STAT5B: variants seen among roughly 807,000 people sequenced by gnomAD.
STAT5B encodes signal transducer and activator of transcription 5B.
A neutral mutation model predicts 107.8 loss-of-function variants in STAT5B; 21 were observed. That is an observed-to-expected ratio of 0.19 (90% confidence interval 0.14 to 0.28). STAT5B has a LOEUF of 0.28. Among genes scored for constraint, STAT5B ranks in the 10% least tolerant of loss-of-function variants. STAT5B has a pLI of 1.00. For synonymous variants in STAT5B, 325 were observed against 401.7 expected, an observed-to-expected ratio of 0.81 and a Z score of 2.28; for missense variants, 565 against 1,008.2, an observed-to-expected ratio of 0.56 and a Z score of 5.95.
Position 42,202,320 on chromosome 17 carries a change from CCCA to C in STAT5B, c.2237+17_2237+19del. The C allele has an allele frequency of 6.2e-7, 1 of 1,613,912 alleles. No homozygotes were observed. ...GCCCCCAGTTCCTCCCCTGTGGACC[CCCA>C]CAAGAATGCCACCTACTTCTGTGGG... On this transcript the variant is annotated intron_variant, in intron 18 of 18. Transcript: ENST00000293328.
intron 6 of STAT5B, 116 bp downstream of exon 6, chr17:42,219,596 A>G (rs1351658011): frequency 3.8e-6 from 5 of 1,306,210 alleles, no homozygotes; most frequent in Admixed American, 2.3e-5. Flanking sequence ...CCCCCAGGAA[A>G]AAAGGCCTCC....
Position 42,232,190 on chromosome 17 carries a change from C to T in STAT5B, c.-10-53G>A, listed in dbSNP as rs80041287. The T allele has an allele frequency of 6.6e-3, 10,486 of 1,592,906 alleles. 486 individuals carry two copies. In the African/African-American group the frequency reaches 0.11, roughly 17 times the overall value. Reference sequence around the variant, plus strand: ...GCGTTTTTTCTTTATTTTCCCCTTACATCCACCAGAGTAAATATTCACTTA... The same window carrying T: ...GCGTTTTTTCTTTATTTTCCCCTTATATCCACCAGAGTAAATATTCACTTA... On this transcript the variant is annotated intron_variant, in intron 1 of 18. Transcript: ENST00000293328.
the STAT5B span, among the ~76,000 whole-genome samples, chr17:42,284,742 G>A: frequency 3.8e-3 from 573 of 152,316 alleles, 4 homozygotes; most frequent in African/African-American, 0.013. Context: ...TCTTCACTCC[G>A]CCGGTGTGTG....
At chr17:42,262,970 G>T (rs867949427) in intron 1 of STAT5B, among the ~76,000 whole-genome samples, 1 of 20,946 alleles carries the variant, frequency 4.8e-5, no homozygotes, top group Non-Finnish European at 8.3e-5. Flanking sequence ...GTGTGTGTGT[G>T]TATATATATA....
At chr17:42,286,450 C>T in the STAT5B span, among the ~76,000 whole-genome samples, 1 of 152,096 alleles carries the variant, frequency 6.6e-6, no homozygotes, top group African/African-American at 2.4e-5. Flanking sequence ...CACCTCAATG[C>T]TAGCTTTTTA....
the STAT5B span, chr17:42,288,148 C>T: frequency 6.6e-6 from 1 of 152,240 alleles, no homozygotes; most frequent in African/African-American, 2.4e-5. The surrounding 1 kb of genome is among the most constrained non-coding windows in gnomAD (Gnocchi z 4.8). Flanking sequence ...AAACTGAGGC[C>T]CAGGTTTGGG....
intron 1 of STAT5B, among the ~76,000 whole-genome samples, chr17:42,250,736 A>G (rs1457386177): frequency 6.6e-6 from 1 of 152,058 alleles, no homozygotes. Flanking sequence ...CATCCTGGCT[A>G]GCATGGTGAA....
chr17:42,287,881 AAAG>A, the STAT5B span: 1 of 152,240 alleles, frequency 6.6e-6, no homozygotes, highest in Non-Finnish European at 1.5e-5. Flanking sequence ...GGCCGGAGTA[AAAG>A]AAGGAGGGAG....
intron 9 of STAT5B, chr17:42,217,848 G>A (rs976393544): frequency 4.5e-6 from 2 of 447,830 alleles, no homozygotes; most frequent in African/African-American, 2.0e-5. Context: ...GGGATTACAG[G>A]TGCCTGCCAC....
chr17:42,233,732 C>G (rs1288265193), intron 1 of STAT5B: 1 of 152,092 alleles, frequency 6.6e-6, no homozygotes, highest in Non-Finnish European at 1.5e-5. Context: ...CCTTGTGATC[C>G]GCCCACCTCA....
intron 1 of STAT5B, among the ~76,000 whole-genome samples, chr17:42,240,156 A>C (rs560129354): frequency 6.6e-6 from 1 of 152,312 alleles, no homozygotes; most frequent in African/African-American, 2.4e-5. Flanking sequence ...AAACAAAGCA[A>C]AACAAAAAAC....
At chr17:42,249,738 G>A (rs774371578) in intron 1 of STAT5B, among the ~76,000 whole-genome samples, 1 of 152,012 alleles carries the variant, frequency 6.6e-6, no homozygotes, top group Non-Finnish European at 1.5e-5. Context: ...TCAGCTCCCT[G>A]CAACCTCTGC....
rs1248899507 is a variant in STAT5B at position 42,235,919 on chromosome 17, C to T, written c.-10-3782G>A. ...CTGCTGGTCAAGCATATTTAGGAGCCTATTACTGTTTTAGGAAAGAAATAC... is the reference window on the plus strand; with the variant it reads ...CTGCTGGTCAAGCATATTTAGGAGCTTATTACTGTTTTAGGAAAGAAATAC... On this transcript the variant is annotated intron_variant, in intron 1 of 18. Coordinates refer to ENST00000293328, the MANE Select transcript of STAT5B (RefSeq NM_012448.4). Among the ~76,000 whole-genome samples, 3 of 152,086 alleles carry T rather than the reference C, an allele frequency of 2.0e-5. No homozygotes were observed. In the South Asian group the frequency reaches 6.2e-4, roughly 31 times the overall value.
At chr17:42,215,855 C>T (rs1258313165) in intron 12 of STAT5B, among the ~76,000 whole-genome samples, 159 bp downstream of exon 12, 1 of 152,218 alleles carries the variant, frequency 6.6e-6, no homozygotes, top group African/African-American at 2.4e-5. Flanking sequence ...CTCCTGACCT[C>T]AGGTGATCCA....
At chr17:42,213,088 C>A (rs770808707) in intron 12 of STAT5B, among the ~76,000 whole-genome samples, 3 of 152,214 alleles carry the variant, frequency 2.0e-5, no homozygotes, top group Non-Finnish European at 4.4e-5. Context: ...TCACCAGACC[C>A]CCATAGATGG....
At chr17:42,240,020 G>C (rs1158187406) in intron 1 of STAT5B, among the ~76,000 whole-genome samples, 1 of 152,230 alleles carries the variant, frequency 6.6e-6, no homozygotes, top group Non-Finnish European at 1.5e-5. Context: ...TGTAATCCCA[G>C]CTATTTGGGA....
chr17:42,283,889 G>A, the STAT5B span, among the ~76,000 whole-genome samples: 30 of 152,296 alleles, frequency 2.0e-4, no homozygotes, highest in Non-Finnish European at 2.6e-4. Flanking sequence ...AGCCTTCTCC[G>A]GTGGGGGCTG....
the STAT5B span, chr17:42,288,106 C>G: frequency 6.6e-6 from 1 of 152,246 alleles, no homozygotes; most frequent in Non-Finnish European, 1.5e-5. This position sits in a 1 kb window ranked among gnomAD's most constrained non-coding sequence, Gnocchi z 4.8. Flanking sequence ...CCAATTGGTC[C>G]ACTTTTCCCT....
In STAT5B at chr17:42,212,048, T is replaced by C; in HGVS notation, c.1616A>G (p.Asn539Ser). 2 of 1,614,082 alleles carry C rather than the reference T, an allele frequency of 1.2e-6. No individual in the cohort carries two copies. The highest frequency in any genetic ancestry group is 1.7e-6 in the Non-Finnish European group (2 of 1,179,990). ...NLVFLAQKLF[N>S]NSSSHLEDYS... ...GTCCTCCAGGTGGCTGCTGCTGTTG[T>C]TGAACAGTTTCTGCGCCAGGAACAC... Residue 539 changes from asparagine (N) to serine (S), a missense_variant, in exon 13 of 19, where the codon AAC becomes AGC. Physicochemically the swap from Asn to Ser is conservative, Grantham distance 46. Around this residue, in one of 11 missense-constraint regions of STAT5B, gnomAD observed 127 missense variants for 215.8 expected, o/e 0.59. Transcript: ENST00000293328.
Sources: gnomAD v4.1 joint callset for allele counts (sites outside exome capture counted in the v4.1 genomes callset) on GRCh38, gnomAD v4.1.1 for gene constraint, gnomAD v4.1.1 regional missense constraint, Gnocchi (gnomAD v3.1) non-coding constraint, MANE v1.5 for transcripts, NCBI Gene and HGNC (gene_info 2026-07-23, HGNC 2026-07-21) for gene names.